The following FLI1 variants were observed in gnomAD, a reference collection of about 807,000 sequenced individuals.
The protein encoded by FLI1 is Fli-1 proto-oncogene, ETS transcription factor, also known as Friend leukemia integration 1 transcription factor.
FLI1 carries 13 observed loss-of-function variants against 53.1 expected under a neutral mutation model. The observed-to-expected ratio is 0.24, with a 90% CI of 0.16 to 0.39. The LOEUF is 0.39. Ranked by LOEUF, FLI1 falls within the 10% of genes least tolerant of loss-of-function variation. FLI1 has a pLI of 1.00. For missense variants in FLI1, 424 were observed against 600.5 expected, an observed-to-expected ratio of 0.71 and a Z score of 3.07; for synonymous variants, 244 against 236.7, an observed-to-expected ratio of 1.03 and a Z score of -0.28.
intron 8 of FLI1, among the ~76,000 whole-genome samples, chr11:128,809,583 C>G (rs145949014): frequency 1.4e-4 from 22 of 152,320 alleles, no homozygotes; most frequent in African/African-American, 5.1e-4. Context: ...CATAAATATT[C>G]CAAAGGGTTT....
upstream of FLI1, chr11:128,693,984 GAGAGAGAGAT>G (rs1452248131): frequency 2.4e-4 from 72 of 305,226 alleles, no homozygotes; most frequent in African/African-American, 7.6e-4. Flanking sequence ...GAGAGAGAGA[GAGAGAGAGAT>G]AGGACTTCCT....
intron 1 of FLI1, among the ~76,000 whole-genome samples, chr11:128,716,460 C>A (rs1939019122): frequency 2.0e-5 from 3 of 152,210 alleles, no homozygotes; most frequent in South Asian, 2.1e-4. Flanking sequence ...TTTCTAGAAG[C>A]CTGCCTGTAC....
chr11:128,698,354 A>T (rs980041242), intron 1 of FLI1, among the ~76,000 whole-genome samples: 1 of 152,198 alleles, frequency 6.6e-6, no homozygotes, highest in African/African-American at 2.4e-5. Context: ...ACCACACAGA[A>T]TTGCTCCCCT....
intron 4 of FLI1, among the ~76,000 whole-genome samples, chr11:128,779,771 A>G (rs1045867310): frequency 6.6e-6 from 1 of 152,256 alleles, no homozygotes; most frequent in Admixed American, 6.5e-5. Flanking sequence ...CCTTTGCTTA[A>G]TAAACATACA....
At chr11:128,779,017 G>A (rs759594508) in intron 4 of FLI1, among the ~76,000 whole-genome samples, 8 of 152,224 alleles carry the variant, frequency 5.3e-5, no homozygotes, top group Non-Finnish European at 7.3e-5. Context: ...AGTGAAACTT[G>A]AACCAAGAAC....
At chr11:128,799,049 A>ATTTTTTTTTTTT (rs1184910280) in intron 5 of FLI1, among the ~76,000 whole-genome samples, 3 of 137,278 alleles carry the variant, frequency 2.2e-5, no homozygotes, top group African/African-American at 8.1e-5. Context: ...TATTATTATT[A>ATTTTTTTTTTTT]TTATTTTGCT....
At chr11:128,692,882 G>A (rs986922399), upstream of FLI1, 4 of 152,304 alleles carry the variant, frequency 2.6e-5, no homozygotes, top group African/African-American at 7.2e-5. Flanking sequence ...TGGGGCGCGC[G>A]GCGGCCCAGG....
At chr11:128,687,072 G>C (rs1277410887) in intron 1 of FLI1, 1 of 155,820 alleles carries the variant, frequency 6.4e-6, no homozygotes, top group African/African-American at 2.4e-5. Context: ...GTGTGTGAGC[G>C]CGTCTGTGCA....
rs115290739 is a variant in FLI1, at chr11:128,697,113, G to A, written c.18+2837G>A. Among the ~76,000 whole-genome samples the A allele has an allele frequency of 8.5e-3, 1,287 of 152,246 alleles. 20 individuals are homozygous for A. The highest frequency in any genetic ancestry group is 0.029 in the African/African-American group (1,225 of 41,532). On this transcript the variant is annotated intron_variant, in intron 1 of 8. Coordinates refer to ENST00000527786, the MANE Select transcript of FLI1 (RefSeq NM_002017.5). Reference sequence around the variant, plus strand: ...TAACTTGCAGTATTAAACAACACCCGACCCACGCCCCTGCTTCCCACACTG... The same window carrying A: ...TAACTTGCAGTATTAAACAACACCCAACCCACGCCCCTGCTTCCCACACTG...
chr11:128,733,952 A>G lies in FLI1; in HGVS notation c.19-24163A>G, dbSNP rs577756820. ...GGGCTGCAATCAGCACAGTGAGGAG[A>G]GGAGCGACAGAGCACATGATTATGA... On this transcript the variant is annotated intron_variant, in intron 1 of 8. Coordinates refer to ENST00000527786, the MANE Select transcript of FLI1 (RefSeq NM_002017.5). Among the ~76,000 whole-genome samples, 14 of 152,306 alleles carry G rather than the reference A, an allele frequency of 9.2e-5. No homozygotes were observed. The South Asian group carries it at 2.7e-3, about 29-fold the overall frequency.
chr11:128,791,167 C>T (rs1407297917), intron 5 of FLI1, among the ~76,000 whole-genome samples: 1 of 152,126 alleles, frequency 6.6e-6, no homozygotes, highest in Non-Finnish European at 1.5e-5. Flanking sequence ...TCTGGATCCC[C>T]CTGGAGCGTA....
chr11:128,714,084 T>C (rs1451068107), intron 1 of FLI1, among the ~76,000 whole-genome samples: 2 of 152,130 alleles, frequency 1.3e-5, no homozygotes, highest in African/African-American at 2.4e-5. Context: ...AATATGCCTT[T>C]ACTATGCAAT....
At chr11:128,767,989 A>G in intron 2 of FLI1, 129 bp from the exon 3 acceptor site, 2 of 748,534 alleles carry the variant, frequency 2.7e-6, no homozygotes, top group South Asian at 2.0e-5. Flanking sequence ...CATCATCATC[A>G]TGACACCAAG....
chr11:128,705,494 T>C (rs1352826436), intron 1 of FLI1, among the ~76,000 whole-genome samples: 1 of 152,232 alleles, frequency 6.6e-6, no homozygotes, highest in Non-Finnish European at 1.5e-5. Context: ...TTCTTCATTC[T>C]ATTCCACTCA....
chr11:128,723,060 A>T (rs1939319622), intron 1 of FLI1, among the ~76,000 whole-genome samples: 1 of 152,136 alleles, frequency 6.6e-6, no homozygotes, highest in Non-Finnish European at 1.5e-5. Context: ...AGGGCAAGCT[A>T]GCTCTCTTGG....
intron 1 of FLI1, among the ~76,000 whole-genome samples, chr11:128,749,459 G>T (rs967445902): frequency 3.9e-5 from 6 of 152,174 alleles, no homozygotes; most frequent in African/African-American, 1.4e-4. Context: ...GCTAATCTGA[G>T]CTTCCTCACA....
chr11:128,753,719 T>C (rs1432504888), intron 1 of FLI1, among the ~76,000 whole-genome samples: 3 of 152,202 alleles, frequency 2.0e-5, no homozygotes, highest in East Asian at 1.9e-4. Context: ...ATAAGTGAAA[T>C]TTCTGCCAGC....
intron 1 of FLI1, among the ~76,000 whole-genome samples, chr11:128,720,235 C>T (rs912276989): frequency 3.8e-4 from 58 of 152,196 alleles, no homozygotes; most frequent in African/African-American, 1.4e-3. Context: ...TTAAATATTA[C>T]ACTATATCAC....
intron 1 of FLI1, among the ~76,000 whole-genome samples, chr11:128,702,200 T>C (rs1046363441): frequency 6.6e-6 from 1 of 152,226 alleles, no homozygotes; most frequent in African/African-American, 2.4e-5. Context: ...TTCACCCAAA[T>C]GTTGAATAAT....
Sources: allele counts gnomAD v4.1 joint callset (sites outside exome capture counted in the v4.1 genomes callset), GRCh38; gene constraint gnomAD v4.1.1; transcripts MANE v1.5; gene names NCBI Gene and HGNC (gene_info 2026-07-23, HGNC 2026-07-21).